The following DPP10 variants were observed in gnomAD, a reference collection of about 807,000 sequenced individuals.
DPP10 encodes the protein dipeptidyl peptidase like 10.
Under a neutral mutation model 120.9 loss-of-function variants are expected in DPP10, and 33 were observed. The observed-to-expected ratio is 0.27, with a 90% confidence interval of 0.21 to 0.37. DPP10 has a LOEUF of 0.37. DPP10 is among the 10% of genes least tolerant of loss of function. The probability of loss-of-function intolerance (pLI) is 1.00; values close to 1 mark genes in which losing one functional copy is unlikely to be tolerated. For synonymous variants in DPP10, 337 were observed against 326.1 expected (o/e 1.03, Z -0.36); for missense variants, 816 against 942.8 (o/e 0.87, Z 1.76).
intron 1 of DPP10, among the ~76,000 whole-genome samples, chr2:114,982,398 T>TA (rs776130730): frequency 3.4e-4 from 51 of 151,862 alleles, no homozygotes; most frequent in African/African-American, 1.2e-3. Flanking sequence ...TCTATAAAGA[T>TA]AAAAAAAACA....
chr2:115,652,919 T>G lies in DPP10; in HGVS notation c.442-36768T>G, dbSNP rs796864083. Among the ~76,000 whole-genome samples the G allele has an allele frequency of 9.9e-5, 15 of 151,946 alleles. No homozygotes were observed. The South Asian group carries it at 2.1e-3, about 21-fold the overall frequency. On this transcript the variant is annotated intron_variant, in intron 5 of 25. Transcript: ENST00000410059. ...CCTGTGGTCCAGTCAAGCTGACATG[T>G]AAAACTAACCATCACAATTCATTAT...
chr2:115,567,561 G>A (rs1230723545), intron 5 of DPP10, among the ~76,000 whole-genome samples: 4 of 150,492 alleles, frequency 2.7e-5, no homozygotes, highest in African/African-American at 9.8e-5. Flanking sequence ...AACTGCGTAG[G>A]ACTACATTTT....
chr2:114,941,400 C>G (rs1696886710), intron 1 of DPP10, among the ~76,000 whole-genome samples: 1 of 152,186 alleles, frequency 6.6e-6, no homozygotes, highest in Non-Finnish European at 1.5e-5. Flanking sequence ...AGAGGAGCTT[C>G]TCCATGAACA....
At chr2:114,649,345 A>G (rs970060282) in intron 1 of DPP10, among the ~76,000 whole-genome samples, 1 of 148,954 alleles carries the variant, frequency 6.7e-6, no homozygotes, top group Admixed American at 6.7e-5. Context: ...GGATCCTGAG[A>G]TTTTTTTTTT....
intron 1 of DPP10, among the ~76,000 whole-genome samples, chr2:115,145,578 G>A (rs1362616816): frequency 2.0e-5 from 3 of 152,176 alleles, no homozygotes; most frequent in Non-Finnish European, 4.4e-5. Flanking sequence ...TTGCTTCCAA[G>A]TTTTGGCAAT....
At position 115,777,367 on chromosome 2, in the gene DPP10, A is replaced by G. The variant is rs1559141386; in HGVS notation, c.1313+68A>G. ...GTCAAATGCCATCTTTTCTAATAGA[A>G]TTATGTTTTGCTTACCATAGTCCTA... On this transcript the variant is annotated intron_variant, in intron 14 of 25. Transcript: ENST00000410059. The G allele has an allele frequency of 4.3e-6, 6 of 1,406,174 alleles. No homozygotes were observed. The East Asian group carries it at 1.4e-4, about 33-fold the overall frequency. The allele number at this position is 1,406,174 out of a possible 1,614,324, so 87.1% of individuals were successfully genotyped here.
intron 3 of DPP10, among the ~76,000 whole-genome samples, chr2:115,366,202 C>G (rs1360284897): frequency 6.6e-6 from 1 of 151,876 alleles, no homozygotes; most frequent in East Asian, 1.9e-4. Context: ...ACTCTCCACT[C>G]TCAGCCTTTT....
At chr2:114,813,391 A>T (rs1036636985) in intron 1 of DPP10, among the ~76,000 whole-genome samples, 1 of 152,170 alleles carries the variant, frequency 6.6e-6, no homozygotes, top group African/African-American at 2.4e-5. Flanking sequence ...TGTAAACAGG[A>T]ATAAAATACC....
intron 1 of DPP10, among the ~76,000 whole-genome samples, chr2:114,629,520 A>AT (rs1260606220): frequency 1.3e-5 from 2 of 152,224 alleles, no homozygotes; most frequent in Non-Finnish European, 2.9e-5. Flanking sequence ...GGGTGATAAC[A>AT]TTTTAAAAGA....
At chr2:115,486,011 T>C (rs2075755437) in intron 3 of DPP10, among the ~76,000 whole-genome samples, 1 of 152,150 alleles carries the variant, frequency 6.6e-6, no homozygotes, top group South Asian at 2.1e-4. Flanking sequence ...AACCTTGATA[T>C]GTTCATGATT....
chr2:114,633,739 G>T (rs919825977), intron 1 of DPP10, among the ~76,000 whole-genome samples: 9 of 151,458 alleles, frequency 5.9e-5, no homozygotes, highest in Admixed American at 1.3e-4. Context: ...TCAGCCTCCC[G>T]ATTAGCTGGA....
At chr2:114,621,292 C>G (rs1464737047) in intron 1 of DPP10, among the ~76,000 whole-genome samples, 1 of 152,090 alleles carries the variant, frequency 6.6e-6, no homozygotes, top group East Asian at 1.9e-4. Context: ...ATTTATGCTT[C>G]TCCATCCCCC....
intron 1 of DPP10, among the ~76,000 whole-genome samples, chr2:114,686,842 T>G (rs1251389466): frequency 1.3e-5 from 2 of 151,962 alleles, no homozygotes; most frequent in Non-Finnish European, 2.9e-5. Context: ...ATAATTCAAG[T>G]ATCACACATG....
chr2:114,653,518 T>C (rs1186947913), intron 1 of DPP10, among the ~76,000 whole-genome samples: 2 of 152,146 alleles, frequency 1.3e-5, no homozygotes, highest in African/African-American at 2.4e-5. Context: ...ATGCATCAGC[T>C]TGGGGTCGGG....
At chr2:115,811,423 TA>T (rs1686628111) in intron 19 of DPP10, among the ~76,000 whole-genome samples, 1 of 152,220 alleles carries the variant, frequency 6.6e-6, no homozygotes, top group South Asian at 2.1e-4. Flanking sequence ...GGATTTGTTT[TA>T]AAAAACCTGT....
At chr2:115,415,635 A>G (rs2069323233) in intron 3 of DPP10, among the ~76,000 whole-genome samples, 1 of 151,924 alleles carries the variant, frequency 6.6e-6, no homozygotes, top group Admixed American at 6.6e-5. Context: ...GCAGTTCTCA[A>G]ATATATGACC....
At chr2:115,064,783 G>C in intron 1 of DPP10, 1 of 1,304,250 alleles carries the variant, frequency 7.7e-7, no homozygotes. Context: ...GTGGCTGAGG[G>C]ACCAGTAGAT....
At chr2:115,006,052 G>A (rs1347885567) in intron 1 of DPP10, among the ~76,000 whole-genome samples, 2 of 152,016 alleles carry the variant, frequency 1.3e-5, no homozygotes, top group Non-Finnish European at 2.9e-5. Flanking sequence ...AAGAGAGTGG[G>A]GGCCAATATT....
intron 1 of DPP10, among the ~76,000 whole-genome samples, chr2:115,166,624 T>C (rs538972808): frequency 6.7e-5 from 10 of 148,990 alleles, no homozygotes; most frequent in African/African-American, 1.7e-4. Flanking sequence ...ACAACAAATA[T>C]CTCTTGCTTA....
Sources: gnomAD v4.1 joint callset for allele counts (sites outside exome capture counted in the v4.1 genomes callset) on GRCh38, gnomAD v4.1.1 for gene constraint, MANE v1.5 for transcripts, NCBI Gene and HGNC (gene_info 2026-07-23, HGNC 2026-07-21) for gene names.